AP3S2: variants seen among roughly 807,000 people sequenced by gnomAD.
The protein encoded by AP3S2 is AP-3 complex subunit sigma-2.
In AP3S2, 22 loss-of-function variants were observed where a neutral mutation model predicts 23.4. That is an observed-to-expected ratio of 0.94 (90% CI 0.67 to 1.34). The LOEUF (loss-of-function observed/expected upper bound fraction) is 1.34. AP3S2 is among the 40% of genes most tolerant of loss of function. AP3S2 has a pLI of 0.00. For synonymous variants in AP3S2, 86 were observed against 87.1 expected (o/e 0.99, Z 0.07); for missense variants, 241 against 236.9 (o/e 1.02, Z -0.11).
chr15:89,853,343 T>C (rs1895707080), intron 4 of AP3S2, among the ~76,000 whole-genome samples: 1 of 152,222 alleles, frequency 6.6e-6, no homozygotes, highest in South Asian at 2.1e-4. Context: ...CCTCAAATAA[T>C]TGAATGGTGG....
At chr15:89,843,727 G>A (rs2141840760) in intron 4 of AP3S2, among the ~76,000 whole-genome samples, 1 of 152,272 alleles carries the variant, frequency 6.6e-6, no homozygotes, top group Middle Eastern at 3.4e-3. Context: ...AGAATCGCCT[G>A]AACCCAGGAG....
chr15:89,836,903 A>G (rs764501223), intron 5 of AP3S2, among the ~76,000 whole-genome samples: 68 of 152,240 alleles, frequency 4.5e-4, no homozygotes, highest in South Asian at 4.1e-4. Flanking sequence ...AGTTCCGTAT[A>G]CAAGGCAAAG....
chr15:89,857,327 T>G (rs547714942), intron 4 of AP3S2, among the ~76,000 whole-genome samples: 1 of 152,278 alleles, frequency 6.6e-6, no homozygotes, highest in African/African-American at 2.4e-5. Context: ...TATCTTTGTA[T>G]CTCTATATTT....
chr15:89,854,487 T>C (rs1406658412), intron 4 of AP3S2, among the ~76,000 whole-genome samples: 1,255 of 38,774 alleles, frequency 0.032, 17 homozygotes, highest in East Asian at 0.12. Context: ...GGAGCCCCTC[T>C]GCCCGGCCAG....
intron 4 of AP3S2, among the ~76,000 whole-genome samples, chr15:89,870,503 A>C (rs1475521565): frequency 1.3e-5 from 2 of 152,196 alleles, no homozygotes; most frequent in African/African-American, 2.4e-5. Context: ...AATGTCATCC[A>C]AACTCAAGAA....
intron 4 of AP3S2, among the ~76,000 whole-genome samples, chr15:89,847,725 T>C (rs1167591258): frequency 6.6e-6 from 1 of 152,252 alleles, no homozygotes; most frequent in East Asian, 1.9e-4. Context: ...AATTACCTTT[T>C]ACTCTAGTAA....
intron 4 of AP3S2, among the ~76,000 whole-genome samples, chr15:89,846,046 G>C (rs1041127059): frequency 2.6e-5 from 4 of 152,150 alleles, no homozygotes; most frequent in African/African-American, 7.2e-5. Context: ...TAAACCAACA[G>C]GATATCTTGA....
intron 4 of AP3S2, among the ~76,000 whole-genome samples, chr15:89,860,452 A>G (rs1377237975): frequency 6.6e-6 from 1 of 152,216 alleles, no homozygotes; most frequent in Non-Finnish European, 1.5e-5. Context: ...TAGTGTACAC[A>G]GCACGGATAC....
At chr15:89,866,918 C>T (rs146515661) in intron 4 of AP3S2, among the ~76,000 whole-genome samples, 10 of 152,112 alleles carry the variant, frequency 6.6e-5, no homozygotes, top group African/African-American at 2.4e-4. Context: ...GTCATTCCAG[C>T]AGAGACACCT....
Position 89,888,572 on chromosome 15 carries a change from T to C in AP3S2, c.222A>G (p.Val74=). The C allele has an allele frequency of 2.5e-6, 4 of 1,614,114 alleles. No individual in the cohort carries two copies. The highest frequency in any genetic ancestry group is 3.4e-6 in the Non-Finnish European group (4 of 1,180,030). The change falls in exon 3 of 6, where the codon GTA becomes GTG. Residue 74 remains valine (V), a synonymous_variant. Transcript: ENST00000336418. The part of the protein sequence containing the change: ...IYRHYATLYF[V]FCVDSSESEL... ...CACTCTCTGAGGAATCCACACAAAA[T>C]ACAAAGTAGAGGGTAGCATAGTGCC...
At chr15:89,844,269 T>TTCTTTCTTTCTTTCTTTC (rs1307399243) in intron 4 of AP3S2, among the ~76,000 whole-genome samples, 1 of 12,104 alleles carries the variant, frequency 8.3e-5, no homozygotes, top group African/African-American at 2.8e-4. Flanking sequence ...CTTTCTTTCT[T>TTCTTTCTTTCTTTCTTTC]TCTCTCTCTC....
chr15:89,859,227 TTCC>T (rs1246267859), intron 4 of AP3S2, among the ~76,000 whole-genome samples: 5 of 150,988 alleles, frequency 3.3e-5, no homozygotes, highest in Admixed American at 1.3e-4. Context: ...CTTTCTTTCT[TTCC>T]TTCTTTCTTT....
rs111804629 is a variant in AP3S2, at chr15:89,883,367, T to C, written c.273+5154A>G. Among the ~76,000 whole-genome samples the C allele has an allele frequency of 7.0e-3, 1,068 of 152,294 alleles. 10 individuals carry two copies. Among genetic ancestry groups the C allele is most frequent in the African/African-American group, 0.024 (1,015 of 41,570 alleles). The stretch of plus-strand genomic sequence containing the variant: ...TTTTTGTATCACTCACTACAAATGT[T>C]TGTTAAAATTAGAGTAAACAATAAA... On this transcript the variant is annotated intron_variant, in intron 3 of 5. Transcript: ENST00000336418.
At chr15:89,881,062 T>C (rs1261779639) in intron 3 of AP3S2, among the ~76,000 whole-genome samples, 1 of 152,150 alleles carries the variant, frequency 6.6e-6, no homozygotes, top group Non-Finnish European at 1.5e-5. Context: ...ACATAAATGG[T>C]AAAAGTCAGT....
chr15:89,882,081 C>A (rs1896582698), intron 3 of AP3S2, among the ~76,000 whole-genome samples: 1 of 152,088 alleles, frequency 6.6e-6, no homozygotes, highest in African/African-American at 2.4e-5. Context: ...CTCGGCCTCC[C>A]AAAGTGCTGG....
intron 3 of AP3S2, among the ~76,000 whole-genome samples, chr15:89,872,996 T>C (rs144618974): frequency 5.3e-5 from 8 of 152,354 alleles, no homozygotes; most frequent in East Asian, 1.9e-4. Context: ...CTAACAGATA[T>C]ATACATGTAT....
intron 4 of AP3S2, among the ~76,000 whole-genome samples, chr15:89,843,222 G>A (rs1239512555): frequency 1.3e-5 from 2 of 151,814 alleles, no homozygotes; most frequent in Non-Finnish European, 2.9e-5. Context: ...AAACTCAGGT[G>A]ATCCGTCCGC....
intron 4 of AP3S2, among the ~76,000 whole-genome samples, chr15:89,864,580 A>G (rs1287203918): frequency 6.6e-6 from 1 of 151,124 alleles, no homozygotes; most frequent in East Asian, 1.9e-4. Context: ...TTTTTTTTTG[A>G]GACGGAGTCT....
chr15:89,867,596 T>C, intron 4 of AP3S2, among the ~76,000 whole-genome samples: 1 of 125,312 alleles, frequency 8.0e-6, no homozygotes. Context: ...CCATCACATC[T>C]AGGAAGTGAG....
Sources: gnomAD v4.1 joint callset for allele counts (sites outside exome capture counted in the v4.1 genomes callset) on GRCh38, gnomAD v4.1.1 for gene constraint, MANE v1.5 for transcripts, NCBI Gene and HGNC (gene_info 2026-07-23, HGNC 2026-07-21) for gene names.